Variants in GREB1L observed in about 807,000 individuals in gnomAD.
GREB1L encodes GREB1-like protein.
GREB1L carries 17 observed loss-of-function variants against 200.8 expected under a neutral mutation model. The observed-to-expected ratio is 0.08, with a 90% CI of 0.06 to 0.13. The LOEUF is 0.13. Ranked by LOEUF, GREB1L falls within the 10% of genes least tolerant of loss-of-function variation. GREB1L has a pLI of 1.00. For missense variants in GREB1L, 1,657 were observed against 2,367.7 expected, an observed-to-expected ratio of 0.70 and a Z score of 6.23; for synonymous variants, 789 against 893.0, an observed-to-expected ratio of 0.88 and a Z score of 2.08.
At chr18:21,500,463 G>T (rs1182314581) in intron 22 of GREB1L, 77 bp from the exon 23 acceptor site, 2 of 1,088,254 alleles carry the variant, frequency 1.8e-6, no homozygotes, top group Non-Finnish European at 2.7e-6. Flanking sequence ...CAGAGCCAAG[G>T]TGTGAAATCT....
rs1310469342 is a variant in GREB1L, at chr18:21,366,032, C to T, written c.-114C>T. On this transcript the variant is annotated 5_prime_UTR_variant, in exon 2 of 33. Coordinates refer to ENST00000424526, the MANE Select transcript of GREB1L (RefSeq NM_001142966.3). ...TATTTTTTATGTTTTTGCAGGTGCACAAAAAGCTTTAAACAAGTTAAAATC... is the reference window on the plus strand; with the variant it reads ...TATTTTTTATGTTTTTGCAGGTGCATAAAAAGCTTTAAACAAGTTAAAATC... 1.3e-5 allele frequency: 2 copies of T among 151,914 alleles called. No individual in the cohort carries two copies. The highest frequency in any genetic ancestry group is 4.8e-5 in the African/African-American group (2 of 41,344). The allele number at this position is 151,914 out of a possible 1,614,324, so 9.4% of individuals were successfully genotyped here.
intron 1 of GREB1L, among the ~76,000 whole-genome samples, chr18:21,333,583 G>A (rs2039139629): frequency 6.6e-6 from 1 of 151,796 alleles, no homozygotes; most frequent in Non-Finnish European, 1.5e-5. Context: ...GCTAAGGCAG[G>A]AGAATCGCTT....
At chr18:21,395,119 A>G (rs965452977) in intron 4 of GREB1L, among the ~76,000 whole-genome samples, 6 of 150,656 alleles carry the variant, frequency 4.0e-5, no homozygotes, top group Non-Finnish European at 5.9e-5. Context: ...AAAAAAAAAA[A>G]AAAGAAAAAA....
At chr18:21,445,877 T>A (rs369091264) in intron 11 of GREB1L, among the ~76,000 whole-genome samples, 2 of 152,226 alleles carry the variant, frequency 1.3e-5, no homozygotes, top group African/African-American at 4.8e-5. Context: ...TGCTACATAC[T>A]GAAATTAGAT....
intron 1 of GREB1L, among the ~76,000 whole-genome samples, chr18:21,357,280 C>CG (rs2039518755): frequency 6.6e-6 from 1 of 152,224 alleles, no homozygotes; most frequent in South Asian, 2.1e-4. Flanking sequence ...TCTCTATCTC[C>CG]TGACCTCGTG....
intron 15 of GREB1L, among the ~76,000 whole-genome samples, chr18:21,472,315 T>A (rs1415424079): frequency 6.6e-6 from 1 of 152,230 alleles, no homozygotes; most frequent in Non-Finnish European, 1.5e-5. Flanking sequence ...CAACAACAGT[T>A]TTATGTGCCT....
chr18:21,407,092 C>T (rs1447767582), intron 7 of GREB1L, among the ~76,000 whole-genome samples: 1 of 152,074 alleles, frequency 6.6e-6, no homozygotes, highest in Admixed American at 6.6e-5. Context: ...TCAGGCTGGT[C>T]TTGAACTCCC....
intron 15 of GREB1L, among the ~76,000 whole-genome samples, chr18:21,471,585 C>T (rs184927315): frequency 2.6e-5 from 4 of 151,466 alleles, no homozygotes; most frequent in Admixed American, 1.3e-4. Context: ...AAATAGCTAT[C>T]GAAGGTTGAA....
chr18:21,392,933 G>A (rs1598746829), intron 4 of GREB1L, among the ~76,000 whole-genome samples: 1 of 151,762 alleles, frequency 6.6e-6, no homozygotes, highest in Admixed American at 6.6e-5. Flanking sequence ...CACCAGGCCC[G>A]ACTAATTTTT....
At chr18:21,510,071 G>A (rs556480199) in intron 27 of GREB1L, among the ~76,000 whole-genome samples, 8 of 151,838 alleles carry the variant, frequency 5.3e-5, no homozygotes, top group Non-Finnish European at 1.2e-4. Flanking sequence ...AAAATTAGCT[G>A]GGTGTGGTGG....
chr18:21,472,358 T>C (rs2035515522), intron 15 of GREB1L, among the ~76,000 whole-genome samples: 1 of 152,236 alleles, frequency 6.6e-6, no homozygotes. Context: ...GAAGTAATTT[T>C]ATTATAGACA....
At chr18:21,498,336 C>G (rs1234277495) in intron 21 of GREB1L, among the ~76,000 whole-genome samples, 1 of 152,108 alleles carries the variant, frequency 6.6e-6, no homozygotes, top group African/African-American at 2.4e-5. Context: ...CTGCCCTGCT[C>G]CCCCAGCCAG....
At chr18:21,466,039 T>C (rs1419604208) in intron 15 of GREB1L, among the ~76,000 whole-genome samples, 1 of 152,202 alleles carries the variant, frequency 6.6e-6, no homozygotes, top group Admixed American at 6.5e-5. Flanking sequence ...TAAGTGGAAC[T>C]ACATTCTACG....
chr18:21,487,267 C>A (rs2036163237), intron 18 of GREB1L, among the ~76,000 whole-genome samples: 1 of 152,078 alleles, frequency 6.6e-6, no homozygotes, highest in Non-Finnish European at 1.5e-5. Context: ...TAGTTTTGTG[C>A]TACAAAAGTT....
intron 1 of GREB1L, among the ~76,000 whole-genome samples, chr18:21,292,745 A>G (rs2038470504): frequency 6.6e-6 from 1 of 152,220 alleles, no homozygotes; most frequent in South Asian, 2.1e-4. Context: ...CAGATGAGCA[A>G]AAGACATTTT....
intron 9 of GREB1L, 137 bp from the exon 10 acceptor site, chr18:21,441,263 A>G: frequency 1.3e-6 from 1 of 751,686 alleles, no homozygotes; most frequent in Non-Finnish European, 2.0e-6. Flanking sequence ...CACTTTACAC[A>G]ATAAACCTAA....
chr18:21,250,634 C>T (rs1254431387), intron 1 of GREB1L, among the ~76,000 whole-genome samples: 1 of 152,144 alleles, frequency 6.6e-6, no homozygotes, highest in Non-Finnish European at 1.5e-5. Flanking sequence ...TAATATCTCT[C>T]TGTATTTTTA....
At chr18:21,407,115 T>C (rs2030352579) in intron 7 of GREB1L, among the ~76,000 whole-genome samples, 1 of 152,136 alleles carries the variant, frequency 6.6e-6, no homozygotes, top group Admixed American at 6.6e-5. Context: ...CCTCAGGTGA[T>C]CCACCAGCCT....
chr18:21,494,254 C>T (rs950473186), intron 19 of GREB1L, among the ~76,000 whole-genome samples: 2 of 152,128 alleles, frequency 1.3e-5, no homozygotes, highest in Non-Finnish European at 2.9e-5. Flanking sequence ...TTCCCTATTT[C>T]CCCTTAGTAT....
Sources: gnomAD v4.1 joint callset for allele counts (sites outside exome capture counted in the v4.1 genomes callset) on GRCh38, gnomAD v4.1.1 for gene constraint, MANE v1.5 for transcripts, NCBI Gene and HGNC (gene_info 2026-07-23, HGNC 2026-07-21) for gene names.